The following FAAH2 variants were observed in gnomAD, a reference collection of about 807,000 sequenced individuals.
The protein encoded by FAAH2 is fatty-acid amide hydrolase 2.
Under a neutral mutation model 36.9 loss-of-function variants are expected in FAAH2, and 60 were observed. That is an observed-to-expected ratio of 1.63 (90% CI 1.32 to 2.02). The LOEUF (loss-of-function observed/expected upper bound fraction) is 2.02, where lower values mean the gene tolerates loss of function less well. Among genes scored for constraint, FAAH2 ranks in the 30% most tolerant of loss-of-function variants. The pLI is 0.00. For synonymous variants in FAAH2, 214 were observed against 143.8 expected (o/e 1.49, Z -3.49); for missense variants, 689 against 397.5 (o/e 1.73, Z -6.23).
chrX:57,448,092 C>T (rs1232563002), intron 9 of FAAH2, among the ~76,000 whole-genome samples: 1 of 111,431 alleles, frequency 9.0e-6, no homozygotes, highest in Non-Finnish European at 1.9e-5. Context: ...TGGGCTAAAG[C>T]AATCCTCCTG....
chrX:57,198,073 C>T, the FAAH2 span, among the ~76,000 whole-genome samples: 1 of 111,295 alleles, frequency 9.0e-6, no homozygotes, highest in Non-Finnish European at 1.9e-5. Flanking sequence ...ACATGCTTGC[C>T]CTAAGGTGGC....
At chrX:57,430,552 C>T (rs1215452784) in intron 7 of FAAH2, among the ~76,000 whole-genome samples, 1 of 111,378 alleles carries the variant, frequency 9.0e-6, no homozygotes, top group Non-Finnish European at 1.9e-5. Flanking sequence ...TGACCTAGGA[C>T]TCCTCTGCTT....
intron 8 of FAAH2, among the ~76,000 whole-genome samples, chrX:57,441,693 G>C (rs953709799): frequency 7.3e-5 from 8 of 109,635 alleles, no homozygotes; most frequent in Admixed American, 4.9e-4. Flanking sequence ...TCTTTTAATT[G>C]TGATATTAGG....
At chrX:57,334,298 A>ACACACACACACACACAC (rs1569269177) in intron 4 of FAAH2, among the ~76,000 whole-genome samples, 7 of 109,817 alleles carry the variant, frequency 6.4e-5, no homozygotes, top group South Asian at 3.9e-4. Context: ...ACACACACAC[A>ACACACACACACACACAC]AAGATGGGAG....
intron 7 of FAAH2, among the ~76,000 whole-genome samples, chrX:57,383,842 C>T (rs1218420554): frequency 9.0e-6 from 1 of 111,599 alleles, no homozygotes; most frequent in Non-Finnish European, 1.9e-5. Context: ...TCATATGGAA[C>T]CAAAAAAGAG....
the FAAH2 span, among the ~76,000 whole-genome samples, chrX:57,163,692 G>A: frequency 2.7e-5 from 3 of 112,407 alleles, no homozygotes; most frequent in African/African-American, 9.7e-5. Context: ...CACTTCTCAA[G>A]TGAGGCAATG....
chrX:57,482,817 T>G (rs1193028971), intron 10 of FAAH2, among the ~76,000 whole-genome samples: 4 of 108,780 alleles, frequency 3.7e-5, no homozygotes, highest in Non-Finnish European at 7.6e-5. Context: ...TTTTATTTTT[T>G]AAAGGAGTTA....
At chrX:57,190,548 G>A in the FAAH2 span, among the ~76,000 whole-genome samples, 1 of 110,507 alleles carries the variant, frequency 9.0e-6, no homozygotes, top group Non-Finnish European at 1.9e-5. Context: ...AGGCACATAA[G>A]GGAATCTCTT....
intron 7 of FAAH2, among the ~76,000 whole-genome samples, chrX:57,401,101 C>T (rs112077044): frequency 0.088 from 9,726 of 110,773 alleles, 985 homozygotes; most frequent in African/African-American, 0.29. Context: ...CCAGCCTGGG[C>T]GACAGAGTGA....
the FAAH2 span, among the ~76,000 whole-genome samples, chrX:57,252,996 G>A: frequency 9.0e-6 from 1 of 111,463 alleles, no homozygotes; most frequent in Admixed American, 9.6e-5. Context: ...CTAATCCATT[G>A]CAAGGAAGCT....
chrX:57,341,790 A>C (rs750269090), intron 5 of FAAH2, among the ~76,000 whole-genome samples: 11 of 111,643 alleles, frequency 9.9e-5, no homozygotes, highest in Admixed American at 1.9e-4. Context: ...AAAATGACTT[A>C]TCAGTTAAAT....
At chrX:57,437,725 A>G (rs1394635811) in intron 8 of FAAH2, among the ~76,000 whole-genome samples, 2 of 100,838 alleles carry the variant, frequency 2.0e-5, no homozygotes, top group African/African-American at 7.1e-5. Context: ...ATATTTATAT[A>G]TTATATATTA....
chrX:57,401,432 C>G (rs749405346), intron 7 of FAAH2, among the ~76,000 whole-genome samples: 1 of 111,714 alleles, frequency 9.0e-6, no homozygotes, highest in Non-Finnish European at 1.9e-5. Context: ...GGACTGTAAA[C>G]CACTCTGCTT....
rs146008787 is a variant in FAAH2, at chrX:57,437,100, A to G, written c.1116+5063A>G. Among the ~76,000 whole-genome samples the G allele has an allele frequency of 1.8e-3, 200 of 111,879 alleles. 3 individuals are homozygous for G. The East Asian group carries it at 0.047, about 26-fold the overall frequency. ...ACATATACAAATCAATAAAAGTGAT[A>G]TATTACATAAACAAAAATAACAAAA... On this transcript the variant is annotated intron_variant, in intron 8 of 10. Transcript: ENST00000374900.
chrX:57,209,991 C>G, the FAAH2 span, among the ~76,000 whole-genome samples: 1 of 109,918 alleles, frequency 9.1e-6, no homozygotes, highest in South Asian at 4.1e-4. Flanking sequence ...GCTGTGCTCT[C>G]CCTCTCCTCA....
intron 7 of FAAH2, among the ~76,000 whole-genome samples, chrX:57,384,652 A>G (rs1299379971): frequency 1.8e-5 from 2 of 110,407 alleles, no homozygotes; most frequent in Non-Finnish European, 3.8e-5. Flanking sequence ...TTAGAATGGC[A>G]ATCATTAAAA....
At chrX:57,171,663 C>T in the FAAH2 span, among the ~76,000 whole-genome samples, 2 of 111,497 alleles carry the variant, frequency 1.8e-5, no homozygotes, top group African/African-American at 3.3e-5. Context: ...GGATATTAGT[C>T]TTCTGTCAGA....
the FAAH2 span, among the ~76,000 whole-genome samples, chrX:57,198,647 G>T: frequency 2.7e-5 from 3 of 112,367 alleles, no homozygotes; most frequent in Non-Finnish European, 3.8e-5. Context: ...TTATTACAAA[G>T]TTCAGCTTGA....
the FAAH2 span, among the ~76,000 whole-genome samples, chrX:57,229,805 G>C: frequency 2.0e-4 from 22 of 111,578 alleles, no homozygotes; most frequent in Non-Finnish European, 1.1e-4. Flanking sequence ...ATGAGTACCA[G>C]ATTATTCTTT....
Sources: allele counts gnomAD v4.1 joint callset (sites outside exome capture counted in the v4.1 genomes callset), GRCh38; gene constraint gnomAD v4.1.1; transcripts MANE v1.5; gene names NCBI Gene and HGNC (gene_info 2026-07-23, HGNC 2026-07-21).